The following ITPK1 variants were observed in gnomAD, a reference collection of about 807,000 sequenced individuals.
ITPK1 encodes the protein inositol 1,3,4-trisphosphate 5/6-kinase.
A neutral mutation model predicts 45.3 loss-of-function variants in ITPK1; 21 were observed. The observed-to-expected ratio is 0.46, with a 90% CI of 0.33 to 0.67. The LOEUF (loss-of-function observed/expected upper bound fraction) is 0.67. ITPK1 is among the 30% of genes least tolerant of loss of function. The pLI is 0.02. For synonymous variants in ITPK1, 258 were observed against 253.6 expected, an observed-to-expected ratio of 1.02 and a Z score of -0.16; for missense variants, 474 against 573.5, an observed-to-expected ratio of 0.83 and a Z score of 1.77.
chr14:92,942,518 C>T (rs1469530182), intron 10 of ITPK1, among the ~76,000 whole-genome samples: 2 of 152,206 alleles, frequency 1.3e-5, no homozygotes, highest in Non-Finnish European at 2.9e-5. Context: ...GAGTCTGCTT[C>T]CTTCTCACCA....
intron 4 of ITPK1, among the ~76,000 whole-genome samples, chr14:92,998,269 C>A (rs1887159967): frequency 6.6e-6 from 1 of 152,188 alleles, no homozygotes; most frequent in African/African-American, 2.4e-5. Context: ...TAGGGCTAAA[C>A]CTGACGCAAG....
At chr14:93,085,133 T>C (rs1158588114) in intron 2 of ITPK1, among the ~76,000 whole-genome samples, 2 of 152,274 alleles carry the variant, frequency 1.3e-5, no homozygotes, top group Non-Finnish European at 2.9e-5. Flanking sequence ...GCTGATTGTT[T>C]GGTAATTTGG....
At chr14:93,043,014 C>A (rs1595163388) in intron 3 of ITPK1, among the ~76,000 whole-genome samples, 4 of 148,962 alleles carry the variant, frequency 2.7e-5, no homozygotes, top group East Asian at 2.0e-4. Flanking sequence ...GAGACTGTCT[C>A]AAAAAAAAAA....
intron 2 of ITPK1, among the ~76,000 whole-genome samples, chr14:93,081,264 G>A (rs896636117): frequency 7.9e-5 from 12 of 152,016 alleles, no homozygotes; most frequent in African/African-American, 2.7e-4. Flanking sequence ...AACCCAGGAG[G>A]CGGGGGTTGC....
intron 7 of ITPK1, among the ~76,000 whole-genome samples, chr14:92,961,550 G>A (rs1314692616): frequency 2.0e-5 from 3 of 152,208 alleles, no homozygotes; most frequent in African/African-American, 7.2e-5. Flanking sequence ...CAGCAGCATG[G>A]CAGACCCCTG....
chr14:92,967,148 G>T (rs1018566352), intron 5 of ITPK1, among the ~76,000 whole-genome samples: 1 of 152,152 alleles, frequency 6.6e-6, no homozygotes, highest in Non-Finnish European at 1.5e-5. Context: ...AAAACATAAA[G>T]ACAACCCACA....
At chr14:92,965,431 A>G (rs1396374717) in intron 5 of ITPK1, among the ~76,000 whole-genome samples, 3 of 152,236 alleles carry the variant, frequency 2.0e-5, no homozygotes, top group Non-Finnish European at 1.5e-5. Context: ...GACCAGGAAC[A>G]AGATAAGGAG....
At chr14:92,948,263 T>G (rs921173714) in intron 9 of ITPK1, among the ~76,000 whole-genome samples, 22 of 152,214 alleles carry the variant, frequency 1.4e-4, no homozygotes, top group South Asian at 8.3e-4. Flanking sequence ...TGGAACCAGA[T>G]AGAGGTGGTG....
intron 2 of ITPK1, among the ~76,000 whole-genome samples, chr14:93,083,225 T>C (rs550417881): frequency 2.0e-5 from 3 of 152,134 alleles, no homozygotes; most frequent in African/African-American, 7.2e-5. Context: ...CAAGACACTC[T>C]GGGATGACAG....
At chr14:92,995,809 T>A (rs1887026565) in intron 4 of ITPK1, among the ~76,000 whole-genome samples, 1 of 152,226 alleles carries the variant, frequency 6.6e-6, no homozygotes, top group East Asian at 1.9e-4. Context: ...GCCTGGGGAC[T>A]AACCGAGGAG....
At chr14:93,010,384 T>G (rs3783910) in intron 4 of ITPK1, among the ~76,000 whole-genome samples, 41,280 of 152,202 alleles carry the variant, frequency 0.27, 5,875 homozygotes, top group Admixed American at 0.35. Context: ...ATCACATTTG[T>G]GGCAAACGTG....
chr14:92,942,938 A>G (rs2139694678), intron 10 of ITPK1, among the ~76,000 whole-genome samples: 1 of 152,344 alleles, frequency 6.6e-6, no homozygotes, highest in South Asian at 2.1e-4. Flanking sequence ...GTGGGAATGA[A>G]GGTTCAGACG....
chr14:93,053,155 T>C (rs536162016), intron 3 of ITPK1, among the ~76,000 whole-genome samples: 1 of 151,280 alleles, frequency 6.6e-6, no homozygotes. Flanking sequence ...TAAAAAATAA[T>C]AATAAAAAAA....
chr14:92,999,022 C>G (rs975748316), intron 4 of ITPK1: 1 of 152,186 alleles, frequency 6.6e-6, no homozygotes, highest in African/African-American at 2.4e-5. Flanking sequence ...TTGGATTAAA[C>G]AACAGTTTCT....
At chr14:93,040,580 T>A (rs780504049) in intron 3 of ITPK1, among the ~76,000 whole-genome samples, 2 of 152,212 alleles carry the variant, frequency 1.3e-5, no homozygotes, top group African/African-American at 4.8e-5. Flanking sequence ...AATGCTAAGC[T>A]GGCTCGTGCC....
intron 2 of ITPK1, among the ~76,000 whole-genome samples, chr14:93,088,787 G>A (rs184327519): frequency 6.6e-6 from 1 of 152,206 alleles, no homozygotes; most frequent in Admixed American, 6.5e-5. Flanking sequence ...GTGAGCCACC[G>A]CGCCTGGCCT....
intron 2 of ITPK1, among the ~76,000 whole-genome samples, chr14:93,111,011 T>TCATCCCTCATCCCTC (rs200416268): frequency 0.01 from 1,440 of 143,236 alleles, 20 homozygotes; most frequent in Non-Finnish European, 0.015. Flanking sequence ...TCCTCATCCC[T>TCATCCCTCATCCCTC]CATCCCTCAT....
At chr14:93,050,144 T>G (rs957741808) in intron 3 of ITPK1, among the ~76,000 whole-genome samples, 3 of 152,158 alleles carry the variant, frequency 2.0e-5, no homozygotes, top group African/African-American at 4.8e-5. Context: ...GCAAACCATC[T>G]GGCCAGTTGG....
chr14:93,021,731 A>G (rs1047301759), intron 3 of ITPK1, among the ~76,000 whole-genome samples: 1 of 152,030 alleles, frequency 6.6e-6, no homozygotes, highest in African/African-American at 2.4e-5. Flanking sequence ...GGCAAGAACA[A>G]CTCTCATTCT....
Sources: gnomAD v4.1 joint callset for allele counts (sites outside exome capture counted in the v4.1 genomes callset) on GRCh38, gnomAD v4.1.1 for gene constraint, MANE v1.5 for transcripts, NCBI Gene and HGNC (gene_info 2026-07-23, HGNC 2026-07-21) for gene names.